The following DTNB variants were observed in gnomAD, a reference collection of about 807,000 sequenced individuals.
DTNB encodes the protein DTN-B.
Under a neutral mutation model 90.7 loss-of-function variants are expected in DTNB, and 63 were observed. The observed-to-expected ratio is 0.69, with a 90% CI of 0.57 to 0.86. DTNB has a LOEUF of 0.86. Ranked by LOEUF, DTNB falls within the 40% of genes least tolerant of loss-of-function variation. The pLI is 0.00. For synonymous variants in DTNB, 277 were observed against 286.7 expected, an observed-to-expected ratio of 0.97 and a Z score of 0.34; for missense variants, 744 against 807.1, an observed-to-expected ratio of 0.92 and a Z score of 0.95.
At chr2:25,550,952 G>C (rs891336696) in intron 8 of DTNB, among the ~76,000 whole-genome samples, 1 of 152,140 alleles carries the variant, frequency 6.6e-6, no homozygotes, top group African/African-American at 2.4e-5. Context: ...ACCCAGCTGA[G>C]ACCTCAATTT....
chr2:25,397,352 A>G (rs868843575), intron 16 of DTNB, among the ~76,000 whole-genome samples: 40 of 151,612 alleles, frequency 2.6e-4, no homozygotes, highest in South Asian at 6.2e-4. Context: ...AAAAAAAAAA[A>G]AAAGAAAGAA....
At chr2:25,379,696 G>C in intron 19 of DTNB, 1 of 226,354 alleles carries the variant, frequency 4.4e-6, no homozygotes, top group Non-Finnish European at 8.6e-6. Flanking sequence ...CCTGCAGATG[G>C]TCTGCTTTGA....
chr2:25,657,171 G>A lies in DTNB; in HGVS notation c.-1-4510C>T, dbSNP rs146746525. 6.1e-4 allele frequency among the ~76,000 whole-genome samples: 93 copies of A among 152,028 alleles called. 1 individual carries two copies. In the East Asian group the frequency reaches 7.0e-3, roughly 11 times the overall value. ...AGCCTGGGTAACAGAGTGAGACTCC[G>A]TCTCAAAAATAAATAAATGAAAGGG... On this transcript the variant is annotated intron_variant, in intron 1 of 20. Coordinates refer to ENST00000406818, the MANE Select transcript of DTNB (RefSeq NM_021907.5).
intron 8 of DTNB, among the ~76,000 whole-genome samples, chr2:25,569,606 T>C (rs1433480951): frequency 6.6e-6 from 1 of 152,064 alleles, no homozygotes; most frequent in Admixed American, 6.5e-5. Context: ...ATGTTCAGGA[T>C]CTGCTCCCTG....
intron 10 of DTNB, among the ~76,000 whole-genome samples, chr2:25,465,573 G>A (rs2061641565): frequency 6.6e-6 from 1 of 152,046 alleles, no homozygotes; most frequent in African/African-American, 2.4e-5. Context: ...TCTACGCTCG[G>A]CCCTCTGCTC....
In DTNB at chr2:25,388,205, G is replaced by A. The variant is rs1275577871; in HGVS notation, c.1732C>T (p.Gln578Ter). The A allele has an allele frequency of 1.3e-6, 2 of 1,566,732 alleles. No individual in the cohort carries two copies. Among genetic ancestry groups the A allele is most frequent in the Admixed American group, 1.9e-5 (1 of 52,346 alleles). ...GAACTCTGCTCCAGAAACTCACCTTGTGCGAAGGCCTCCTGCACGTCTCCC... is the reference window on the plus strand; with the variant it reads ...GAACTCTGCTCCAGAAACTCACCTTATGCGAAGGCCTCCTGCACGTCTCCC... Reference protein sequence around the residue: ...VGGDVQEAFAQGTRRNLRNDL... With the variant: ...VGGDVQEAFA Residue 578 changes from glutamine (Q) to a stop codon, truncating the protein, a stop_gained, in exon 17 of 21, where the codon CAA becomes TAA. Transcript: ENST00000406818. LOFTEE classifies it high-confidence loss of function.
At chr2:25,546,811 T>C (rs150080162) in intron 8 of DTNB, among the ~76,000 whole-genome samples, 120 of 152,322 alleles carry the variant, frequency 7.9e-4, no homozygotes, top group African/African-American at 2.7e-3. Context: ...AGCAATTAGG[T>C]TGGTGCAACA....
At chr2:25,627,539 A>G (rs571996971) in intron 4 of DTNB, among the ~76,000 whole-genome samples, 1 of 152,280 alleles carries the variant, frequency 6.6e-6, no homozygotes, top group Non-Finnish European at 1.5e-5. Flanking sequence ...GTCAAATAGA[A>G]AGCCCCATAA....
At position 25,387,499 on chromosome 2, in the gene DTNB, T is replaced by C; in HGVS notation, c.1736-121A>G. The C allele has an allele frequency of 2.3e-6, 2 of 867,892 alleles. No homozygotes were observed. The highest frequency in any genetic ancestry group is 3.6e-6 in the Non-Finnish European group (2 of 562,402). 53.8% of individuals were successfully genotyped at this position (867,892 alleles called of 1,614,324 possible). ...CAGGTGTGGAACACCTAAGGGGAGA[T>C]GGGGCCACAGCAGCTCCACCCATTC... On this transcript the variant is annotated intron_variant, in intron 17 of 20. Coordinates refer to ENST00000406818, the MANE Select transcript of DTNB (RefSeq NM_021907.5). This position sits in a 1 kb window ranked among gnomAD's most constrained non-coding sequence, Gnocchi z 4.5.
intron 14 of DTNB, among the ~76,000 whole-genome samples, chr2:25,428,728 T>C (rs193125185): frequency 1.5e-3 from 228 of 152,278 alleles, no homozygotes; most frequent in African/African-American, 4.9e-3. Context: ...CCACCGCACC[T>C]GGCTCTTTCA....
chr2:25,608,846 C>T (rs1169731178), intron 4 of DTNB, among the ~76,000 whole-genome samples: 1 of 152,178 alleles, frequency 6.6e-6, no homozygotes, highest in Non-Finnish European at 1.5e-5. Flanking sequence ...CATAACAGAG[C>T]TCCACCAATA....
intron 2 of DTNB, among the ~76,000 whole-genome samples, chr2:25,647,550 T>C (rs1318572145): frequency 6.6e-6 from 1 of 152,214 alleles, no homozygotes; most frequent in Admixed American, 6.5e-5. Flanking sequence ...TATACAGGTT[T>C]TTTTAACTAA....
chr2:25,550,127 C>T (rs934078817), intron 8 of DTNB, among the ~76,000 whole-genome samples: 1 of 152,206 alleles, frequency 6.6e-6, no homozygotes, highest in East Asian at 1.9e-4. Context: ...CGCGGTGGCT[C>T]ACGCCTGTAA....
chr2:25,556,493 A>G (rs2057379861), intron 8 of DTNB, among the ~76,000 whole-genome samples: 1 of 152,224 alleles, frequency 6.6e-6, no homozygotes, highest in African/African-American at 2.4e-5. Context: ...AACTGGAACA[A>G]GTGGAAAATG....
intron 9 of DTNB, among the ~76,000 whole-genome samples, chr2:25,491,451 G>A (rs565691339): frequency 6.6e-6 from 1 of 152,296 alleles, no homozygotes; most frequent in East Asian, 1.9e-4. Flanking sequence ...CACAGAGTAG[G>A]TACTCCGTAA....
At chr2:25,573,361 G>T (rs144884811) in intron 8 of DTNB, among the ~76,000 whole-genome samples, 1 of 152,198 alleles carries the variant, frequency 6.6e-6, no homozygotes, top group Non-Finnish European at 1.5e-5. Flanking sequence ...CCAAGAAAAA[G>T]AGACCATACC....
intron 9 of DTNB, among the ~76,000 whole-genome samples, chr2:25,504,511 G>C (rs145069332): frequency 6.8e-6 from 1 of 146,376 alleles, no homozygotes; most frequent in African/African-American, 2.5e-5. Context: ...AGAAGGAAAG[G>C]CAAGAAAGAA....
At chr2:25,442,588 C>T (rs2057673832) in intron 12 of DTNB, among the ~76,000 whole-genome samples, 1 of 152,208 alleles carries the variant, frequency 6.6e-6, no homozygotes, top group Non-Finnish European at 1.5e-5. Context: ...ACAACTCCTG[C>T]ACATTTTTGT....
At chr2:25,657,238 A>G (rs1432353268) in intron 1 of DTNB, among the ~76,000 whole-genome samples, 1 of 152,184 alleles carries the variant, frequency 6.6e-6, no homozygotes, top group African/African-American at 2.4e-5. Context: ...TAATATCCTC[A>G]GCCCAAAGCA....
Sources: allele counts gnomAD v4.1 joint callset (sites outside exome capture counted in the v4.1 genomes callset), GRCh38; gene constraint gnomAD v4.1.1; non-coding constraint Gnocchi (gnomAD v3.1); transcripts MANE v1.5; gene names NCBI Gene and HGNC (gene_info 2026-07-23, HGNC 2026-07-21).